Variants in ETFA observed in about 807,000 individuals in gnomAD.
ETFA encodes the protein electron transfer flavoprotein subunit alpha.
Under a neutral mutation model 46.2 loss-of-function variants are expected in ETFA, and 22 were observed. The ratio of observed to expected loss-of-function variants is 0.48; its 90% CI spans 0.34 to 0.68. ETFA has a LOEUF of 0.68. Ranked by LOEUF, ETFA falls within the 30% of genes least tolerant of loss-of-function variation. The pLI is 0.01. For missense variants in ETFA, 345 were observed against 401.1 expected (o/e 0.86, Z 1.19); for synonymous variants, 131 against 139.9 (o/e 0.94, Z 0.45).
At chr15:76,275,942 T>G (rs2039586611) in intron 8 of ETFA, among the ~76,000 whole-genome samples, 1 of 152,226 alleles carries the variant, frequency 6.6e-6, no homozygotes, top group Admixed American at 6.5e-5. Flanking sequence ...TAAGTAATTG[T>G]AATACATGAG....
chr15:76,259,877 T>C (rs1333436447), intron 9 of ETFA: 3 of 1,324,010 alleles, frequency 2.3e-6, no homozygotes, highest in African/African-American at 2.9e-5. Context: ...CAGGTCCCCA[T>C]GCTTCATGAA....
intron 11 of ETFA, among the ~76,000 whole-genome samples, chr15:76,218,846 G>A (rs1440298407): frequency 6.6e-6 from 1 of 152,116 alleles, no homozygotes; most frequent in Non-Finnish European, 1.5e-5. Flanking sequence ...AGTACTAAGG[G>A]AAACAGAGAA....
intron 9 of ETFA, among the ~76,000 whole-genome samples, chr15:76,257,999 T>C (rs2039362784): frequency 1.8e-5 from 2 of 110,414 alleles, no homozygotes; most frequent in African/African-American, 7.2e-5. Flanking sequence ...AAGGGGAACA[T>C]CACACTGTGG....
chr15:76,299,310 G>A (rs578194036), intron 1 of ETFA, among the ~76,000 whole-genome samples: 3 of 152,018 alleles, frequency 2.0e-5, no homozygotes, highest in African/African-American at 4.8e-5. Context: ...TGGAAACAAA[G>A]TCTCCCTCTA....
chr15:76,216,470 T>C lies in ETFA; in HGVS notation c.*89A>G. On this transcript the variant is annotated 3_prime_UTR_variant, in exon 12 of 12. Coordinates refer to ENST00000557943, the MANE Select transcript of ETFA (RefSeq NM_000126.4). ...AATTATGAAATGTAGCTCTCCATGC[T>C]TTCCAATGATTGTTATAATACCCAC... The C allele has an allele frequency of 7.4e-6, 6 of 814,696 alleles. No homozygotes were observed. Among genetic ancestry groups the C allele is most frequent in the Middle Eastern group, 3.4e-4 (1 of 2,952 alleles). 50.5% of individuals were successfully genotyped at this position (814,696 alleles called of 1,614,324 possible). A position where few individuals can be genotyped will look rare whatever the true frequency, so the allele number is the denominator to read the frequency against.
At chr15:76,260,010 G>T in intron 9 of ETFA, 1 of 1,472,694 alleles carries the variant, frequency 6.8e-7, no homozygotes, top group Non-Finnish European at 9.5e-7. Flanking sequence ...CTGCTTTCCT[G>T]AGGAACTCTT....
chr15:76,288,920 C>CATTTTT (rs2039728579), intron 4 of ETFA, among the ~76,000 whole-genome samples: 1 of 110,092 alleles, frequency 9.1e-6, no homozygotes, highest in Non-Finnish European at 1.8e-5. Flanking sequence ...TCTTCTTCTT[C>CATTTTT]TTTTTTTTTT....
chr15:76,290,951 T>C (rs56737606), intron 4 of ETFA, among the ~76,000 whole-genome samples: 43,293 of 152,050 alleles, frequency 0.28, 6,568 homozygotes, highest in East Asian at 0.58. Flanking sequence ...CACAGTGACT[T>C]ATGTCTGTAA....
chr15:76,248,007 T>A (rs1453433725), intron 9 of ETFA, among the ~76,000 whole-genome samples: 4 of 152,236 alleles, frequency 2.6e-5, no homozygotes, highest in Non-Finnish European at 5.9e-5. Context: ...TACATCTGGA[T>A]AATGAGTTAT....
At position 76,231,226 on chromosome 15, in the gene ETFA, T is replaced by G. The variant is rs554914446; in HGVS notation, c.882+107A>C. 10 of 782,274 alleles carry G rather than the reference T, an allele frequency of 1.3e-5. No homozygotes were observed. The African/African-American group carries it at 1.5e-4, about 12-fold the overall frequency. 48.5% of individuals were successfully genotyped at this position (782,274 alleles called of 1,614,324 possible). The stretch of plus-strand genomic sequence containing the variant: ...CTTTCAGTTCCCAGATCTACGTTAG[T>G]GTGAATGGCTTGACTACATGCATTG... On this transcript the variant is annotated intron_variant, in intron 10 of 11. Transcript: ENST00000557943.
chr15:76,223,652 A>G (rs2038978959), intron 11 of ETFA, among the ~76,000 whole-genome samples: 2 of 152,314 alleles, frequency 1.3e-5, no homozygotes, highest in South Asian at 4.1e-4. Context: ...TAAAATACCA[A>G]AAGGAGCCTG....
intron 9 of ETFA, chr15:76,260,446 C>G (rs749689521): frequency 4.0e-5 from 63 of 1,584,230 alleles, no homozygotes; most frequent in Non-Finnish European, 5.2e-5. Flanking sequence ...TGAGGAGGGC[C>G]CTTCTGGCCT....
At chr15:76,260,966 T>A (rs1227671405) in intron 9 of ETFA, 7 of 1,610,540 alleles carry the variant, frequency 4.3e-6, no homozygotes, top group African/African-American at 1.3e-5. Context: ...CATCAGCACC[T>A]GGCATCCAGG....
At position 76,273,042 on chromosome 15, in the gene ETFA, C is replaced by T. The variant is rs989839359; in HGVS notation, c.816+1370G>A. ...TTCAAGTAAGTTGAGTAACACAAAA[C>T]GTATTAAGCATAAGAAGAAAGACTG... On this transcript the variant is annotated intron_variant, in intron 9 of 11. Transcript: ENST00000557943. Among the ~76,000 whole-genome samples, 12 of 151,862 alleles carry T rather than the reference C, an allele frequency of 7.9e-5. No homozygotes were observed. In the East Asian group the frequency reaches 1.5e-3, roughly 20 times the overall value.
In ETFA at chr15:76,300,742, T is replaced by C. The variant is rs145464039; in HGVS notation, c.40-5005A>G. Among the ~76,000 whole-genome samples the C allele has an allele frequency of 1.2e-3, 178 of 152,168 alleles. 1 individual carries two copies. Among genetic ancestry groups the C allele is most frequent in the African/African-American group, 4.1e-3 (171 of 41,408 alleles). ...GTTGGTTTATCATGTGTTTATTTTA[T>C]GGCGTGATCTACCTCCCTAACCATA... On this transcript the variant is annotated intron_variant, in intron 1 of 11. Coordinates refer to ENST00000557943, the MANE Select transcript of ETFA (RefSeq NM_000126.4).
intron 8 of ETFA, among the ~76,000 whole-genome samples, chr15:76,276,109 T>C (rs1263704045): frequency 6.6e-6 from 1 of 152,200 alleles, no homozygotes; most frequent in East Asian, 1.9e-4. Flanking sequence ...TCCTTCTCTC[T>C]AAAAGAACTT....
intron 8 of ETFA, among the ~76,000 whole-genome samples, chr15:76,280,428 A>G (rs903240727): frequency 1.3e-5 from 2 of 152,054 alleles, no homozygotes; most frequent in South Asian, 2.1e-4. Flanking sequence ...CTTCAAATAT[A>G]TATCTCAAAA....
chr15:76,260,206 T>G, intron 9 of ETFA: 1 of 1,371,480 alleles, frequency 7.3e-7, no homozygotes. Flanking sequence ...AGTTCGCTGT[T>G]GATGCCCAAG....
intron 9 of ETFA, chr15:76,261,292 G>A: frequency 1.3e-6 from 2 of 1,553,136 alleles, no homozygotes; most frequent in Non-Finnish European, 1.8e-6. Context: ...TGTGAAAAGT[G>A]GCACACCTAC....
Sources: gnomAD v4.1 joint callset for allele counts (sites outside exome capture counted in the v4.1 genomes callset) on GRCh38, gnomAD v4.1.1 for gene constraint, MANE v1.5 for transcripts, NCBI Gene and HGNC (gene_info 2026-07-23, HGNC 2026-07-21) for gene names.